The following ATXN1 variants were observed in gnomAD, a reference collection of about 807,000 sequenced individuals.
The protein encoded by ATXN1 is ataxin-1.
ATXN1 carries 8 observed loss-of-function variants against 56.4 expected under a neutral mutation model. The ratio of observed to expected loss-of-function variants is 0.14; its 90% CI spans 0.08 to 0.26. ATXN1 has a LOEUF of 0.26. Ranked by LOEUF, ATXN1 falls within the 10% of genes least tolerant of loss-of-function variation. The probability of loss-of-function intolerance (pLI) is 1.00; values close to 1 mark genes in which losing one functional copy is unlikely to be tolerated. For synonymous variants in ATXN1, 514 were observed against 494.6 expected, an observed-to-expected ratio of 1.04 and a Z score of -0.52; for missense variants, 987 against 1,106.5, an observed-to-expected ratio of 0.89 and a Z score of 1.53.
chr6:16,543,404 T>C (rs1761752043), intron 4 of ATXN1, among the ~76,000 whole-genome samples: 2 of 152,230 alleles, frequency 1.3e-5, no homozygotes, highest in African/African-American at 4.8e-5. Context: ...TCTGTGTGTA[T>C]TTTTAAAATA....
intron 2 of ATXN1, among the ~76,000 whole-genome samples, chr6:16,752,618 A>T (rs895846129): frequency 1.3e-5 from 2 of 151,948 alleles, no homozygotes; most frequent in Non-Finnish European, 2.9e-5. Flanking sequence ...GTTCTAGCAA[A>T]CCTCTTTTTC....
At chr6:16,592,045 T>C (rs1581867282) in intron 3 of ATXN1, among the ~76,000 whole-genome samples, 2 of 152,192 alleles carry the variant, frequency 1.3e-5, no homozygotes, top group Non-Finnish European at 2.9e-5. Flanking sequence ...AAATGTTCAG[T>C]TAGCTATTGA....
At chr6:16,353,510 C>G (rs1761615878) in intron 6 of ATXN1, among the ~76,000 whole-genome samples, 1 of 152,016 alleles carries the variant, frequency 6.6e-6, no homozygotes, top group South Asian at 2.1e-4. Flanking sequence ...CCCGTCTCTA[C>G]TAAAACTACA....
rs533929838 is a variant in ATXN1, at chr6:16,736,651, T to C, written c.-615+16582A>G. Among the ~76,000 whole-genome samples the C allele has an allele frequency of 7.2e-5, 11 of 152,348 alleles. No homozygotes were observed. The East Asian group carries it at 1.2e-3, about 16-fold the overall frequency. ...AATTCCTGTCAAAACCAGTCACTCATGTGTCTGCACGTATATCGCAAAGTG... is the reference window on the plus strand; with the variant it reads ...AATTCCTGTCAAAACCAGTCACTCACGTGTCTGCACGTATATCGCAAAGTG... On this transcript the variant is annotated intron_variant, in intron 2 of 7. Transcript: ENST00000436367.
intron 2 of ATXN1, among the ~76,000 whole-genome samples, chr6:16,721,340 A>C (rs901320933): frequency 1.3e-5 from 2 of 152,216 alleles, no homozygotes; most frequent in African/African-American, 4.8e-5. Context: ...AATATGTACC[A>C]AGTGGCTGGG....
intron 6 of ATXN1, among the ~76,000 whole-genome samples, chr6:16,429,459 C>T (rs1759233206): frequency 7.2e-6 from 1 of 139,062 alleles, no homozygotes; most frequent in African/African-American, 2.7e-5. Flanking sequence ...AGAGTCTCCT[C>T]CAGGCTGGAG....
chr6:16,682,358 A>T (rs1449805709), intron 2 of ATXN1, among the ~76,000 whole-genome samples: 1 of 151,878 alleles, frequency 6.6e-6, no homozygotes, highest in Non-Finnish European at 1.5e-5. Context: ...CACCACACCC[A>T]GCTAATTTTT....
chr6:16,528,541 G>C (rs565288878), intron 4 of ATXN1, among the ~76,000 whole-genome samples: 4 of 152,102 alleles, frequency 2.6e-5, no homozygotes, highest in African/African-American at 9.6e-5. Flanking sequence ...TTATATTTTC[G>C]GACTAACTTT....
At chr6:16,426,875 GAA>G (rs147467180) in intron 6 of ATXN1, among the ~76,000 whole-genome samples, 5 of 134,728 alleles carry the variant, frequency 3.7e-5, no homozygotes, top group African/African-American at 8.4e-5. Flanking sequence ...CTGGGGGAAA[GAA>G]AAAAAAAAAA....
chr6:16,583,476 G>T (rs1166150470), intron 4 of ATXN1, among the ~76,000 whole-genome samples: 2 of 152,090 alleles, frequency 1.3e-5, no homozygotes, highest in Non-Finnish European at 2.9e-5. Context: ...GGTGTGGCGG[G>T]GGGGTCTCTT....
At chr6:16,391,161 CAAAAAAAAAAA>C (rs35472967) in intron 6 of ATXN1, among the ~76,000 whole-genome samples, 8 of 56,408 alleles carry the variant, frequency 1.4e-4, no homozygotes, top group African/African-American at 2.6e-4. Context: ...GACTCCATCT[CAAAAAAAAAAA>C]AAAAAAAAAA....
At chr6:16,345,132 A>G (rs1354335458) in intron 6 of ATXN1, among the ~76,000 whole-genome samples, 1 of 152,186 alleles carries the variant, frequency 6.6e-6, no homozygotes, top group African/African-American at 2.4e-5. Flanking sequence ...TAGATTTTGG[A>G]TGTGATGATA....
chr6:16,583,473 C>CGG (rs543921873), intron 4 of ATXN1, among the ~76,000 whole-genome samples: 2 of 152,062 alleles, frequency 1.3e-5, no homozygotes, highest in South Asian at 4.2e-4. Flanking sequence ...CTGGGTGTGG[C>CGG]GGGGGGGTCT....
At chr6:16,738,635 C>T (rs1016447054) in intron 2 of ATXN1, 1 of 152,148 alleles carries the variant, frequency 6.6e-6, no homozygotes, top group Non-Finnish European at 1.5e-5. Context: ...TTTATAGTTG[C>T]AAATGGCTTC....
intron 2 of ATXN1, among the ~76,000 whole-genome samples, chr6:16,712,485 T>A (rs569058233): frequency 6.6e-6 from 1 of 152,036 alleles, no homozygotes; most frequent in Non-Finnish European, 1.5e-5. Context: ...GGGGAAGGTA[T>A]ACACCAAACA....
intron 3 of ATXN1, among the ~76,000 whole-genome samples, chr6:16,620,035 A>T (rs937874846): frequency 4.6e-5 from 7 of 152,142 alleles, no homozygotes; most frequent in South Asian, 2.1e-4. Context: ...ATTGAATTTT[A>T]CATGTATGTA....
chr6:16,329,700 C>T (rs1760935837), intron 6 of ATXN1, among the ~76,000 whole-genome samples: 2 of 152,194 alleles, frequency 1.3e-5, no homozygotes, highest in South Asian at 2.1e-4. Context: ...AGTAACAACT[C>T]GCCATTAACA....
At chr6:16,459,541 T>G (rs1032431862) in intron 6 of ATXN1, among the ~76,000 whole-genome samples, 3 of 152,192 alleles carry the variant, frequency 2.0e-5, no homozygotes, top group African/African-American at 7.2e-5. Flanking sequence ...TATATCCGGT[T>G]GTACCCAACC....
At chr6:16,578,674 AG>A (rs1330665240) in intron 4 of ATXN1, among the ~76,000 whole-genome samples, 2 of 152,182 alleles carry the variant, frequency 1.3e-5, no homozygotes, top group East Asian at 3.8e-4. Context: ...CAAAAGGAAG[AG>A]GTAGCTTTAA....
Sources: allele counts gnomAD v4.1 joint callset (sites outside exome capture counted in the v4.1 genomes callset), GRCh38; gene constraint gnomAD v4.1.1; transcripts MANE v1.5; gene names NCBI Gene and HGNC (gene_info 2026-07-23, HGNC 2026-07-21).